Variants in GRIN2B observed in about 807,000 individuals in gnomAD.
GRIN2B encodes the protein glutamate receptor ionotropic, NMDA 2B.
A neutral mutation model predicts 114.5 loss-of-function variants in GRIN2B; 5 were observed. That is an observed-to-expected ratio of 0.04 (90% CI 0.02 to 0.09). The LOEUF (loss-of-function observed/expected upper bound fraction) is 0.09, where lower values mean the gene tolerates loss of function less well. GRIN2B is among the 10% of genes least tolerant of loss of function. The pLI is 1.00. For synonymous variants in GRIN2B, 787 were observed against 745.1 expected (o/e 1.06, Z -0.92); for missense variants, 1,108 against 1,943.5 (o/e 0.57, Z 8.08).
chr12:13,954,585 G>T (rs1382325341), intron 2 of GRIN2B, among the ~76,000 whole-genome samples: 1 of 151,766 alleles, frequency 6.6e-6, no homozygotes, highest in African/African-American at 2.4e-5. Flanking sequence ...CGAGGCGGGT[G>T]GATCACTTGA....
At position 13,541,821 on chromosome 12, in the gene GRIN2B, T is replaced by C. The variant is rs1406772181; in HGVS notation, c.*20962A>G. On this transcript the variant is annotated 3_prime_UTR_variant, in exon 14 of 14. Coordinates refer to ENST00000609686, the MANE Select transcript of GRIN2B (RefSeq NM_000834.5). ...AGAAATGGCCTAACAGTTTCTCTTC[T>C]CAAATTATGATTTTTTCAGGTGGCA... 1 of 152,218 alleles carries C rather than the reference T, an allele frequency of 6.6e-6. No homozygotes were observed. The highest frequency in any genetic ancestry group is 1.5e-5 in the Non-Finnish European group (1 of 68,026). 9.4% of individuals were successfully genotyped at this position (152,218 alleles called of 1,614,324 possible). A position where few individuals can be genotyped will look rare whatever the true frequency, so the allele number is the denominator to read the frequency against.
intron 5 of GRIN2B, among the ~76,000 whole-genome samples, chr12:13,635,260 G>A (rs1290118096): frequency 1.3e-5 from 2 of 152,202 alleles, no homozygotes; most frequent in Non-Finnish European, 2.9e-5. Context: ...CTGAGAAGGG[G>A]AGATGGTGAA....
intron 9 of GRIN2B, 116 bp downstream of exon 9, chr12:13,611,609 G>T (rs1222526543): frequency 2.0e-6 from 2 of 1,017,066 alleles, no homozygotes; most frequent in South Asian, 2.5e-5. Flanking sequence ...TCACCTGAGG[G>T]TTCCTTTTCA....
chr12:13,571,342 T>C (rs540604530), intron 11 of GRIN2B, among the ~76,000 whole-genome samples: 110 of 152,294 alleles, frequency 7.2e-4, no homozygotes, highest in Non-Finnish European at 1.3e-3. Flanking sequence ...GGACAGAGTA[T>C]GTTAACACAA....
At chr12:13,946,356 C>A (rs1371879997) in intron 2 of GRIN2B, among the ~76,000 whole-genome samples, 1 of 151,928 alleles carries the variant, frequency 6.6e-6, no homozygotes, top group Non-Finnish European at 1.5e-5. Context: ...TTATATCTAC[C>A]ACCATCCATT....
At chr12:13,738,673 C>A (rs540157630) in intron 4 of GRIN2B, among the ~76,000 whole-genome samples, 2 of 152,202 alleles carry the variant, frequency 1.3e-5, no homozygotes, top group Non-Finnish European at 2.9e-5. Flanking sequence ...TTCAAGAGCA[C>A]CAAGTTCAAA....
At position 13,899,500 on chromosome 12, in the gene GRIN2B, G is replaced by A. The variant is rs749670218; in HGVS notation, c.-18-33274C>T. On this transcript the variant is annotated intron_variant, in intron 2 of 13. Coordinates refer to ENST00000609686, the MANE Select transcript of GRIN2B (RefSeq NM_000834.5). ...AAAATAGGCAGCAATGTCCAGAGGGGTGTTGTCTCCTCTTGGCCCAGGCAT... is the reference window on the plus strand; with the variant it reads ...AAAATAGGCAGCAATGTCCAGAGGGATGTTGTCTCCTCTTGGCCCAGGCAT... Among the ~76,000 whole-genome samples, 11 of 127,692 alleles carry A rather than the reference G, an allele frequency of 8.6e-5. 2 individuals carry two copies. The highest frequency in any genetic ancestry group is 2.1e-4 in the Non-Finnish European group (11 of 51,844). The allele number at this position is 127,692 out of a possible 152,430, so 83.8% of individuals were successfully genotyped here.
chr12:13,564,616 C>G lies in GRIN2B; in HGVS notation c.2622G>C (p.Gly874=). The G allele has an allele frequency of 6.2e-7, 1 of 1,613,854 alleles. No homozygotes were observed. Among genetic ancestry groups the G allele is most frequent in the Non-Finnish European group, 8.5e-7 (1 of 1,179,976 alleles). The part of the protein sequence containing the change: ...ISRGIYSCIH[G]VAIEERQSVM... Reference sequence around the variant, plus strand: ...CAGACTGGCGCTCCTCGATCGCCACCCCATGGATGCAGCTGTAGATACCCT... The same window carrying G: ...CAGACTGGCGCTCCTCGATCGCCACGCCATGGATGCAGCTGTAGATACCCT... Residue 874 remains glycine, a synonymous_variant, in exon 14 of 14, where the codon GGG becomes GGC. Coordinates refer to ENST00000609686, the MANE Select transcript of GRIN2B (RefSeq NM_000834.5). This position sits in a 1 kb window ranked among gnomAD's most constrained non-coding sequence, Gnocchi z 4.8.
intron 3 of GRIN2B, among the ~76,000 whole-genome samples, chr12:13,808,747 A>AT (rs1565545394): frequency 0.14 from 14,742 of 107,286 alleles, 1,014 homozygotes; most frequent in African/African-American, 0.17. Context: ...GTATAATAAA[A>AT]AAAAAATATA....
intron 2 of GRIN2B, among the ~76,000 whole-genome samples, chr12:13,876,858 T>A (rs994854795): frequency 2.0e-5 from 3 of 152,216 alleles, no homozygotes; most frequent in Admixed American, 2.0e-4. Flanking sequence ...TGTGGCATAA[T>A]GGTAGGTGCA....
At chr12:13,650,473 A>G (rs1949802939) in intron 5 of GRIN2B, among the ~76,000 whole-genome samples, 1 of 152,012 alleles carries the variant, frequency 6.6e-6, no homozygotes, top group South Asian at 2.1e-4. Context: ...ATGATAGAAA[A>G]TCCCCTTTAC....
intron 5 of GRIN2B, among the ~76,000 whole-genome samples, chr12:13,640,110 G>A (rs1949701025): frequency 6.6e-6 from 1 of 152,124 alleles, no homozygotes; most frequent in Admixed American, 6.6e-5. Flanking sequence ...ACAAGACCAG[G>A]CATGGTGGTA....
At chr12:13,877,675 T>C (rs1041944933) in intron 2 of GRIN2B, among the ~76,000 whole-genome samples, 5 of 152,270 alleles carry the variant, frequency 3.3e-5, no homozygotes, top group Admixed American at 2.0e-4. Flanking sequence ...GTGGCTCTAT[T>C]TCCTGATCTC....
intron 3 of GRIN2B, among the ~76,000 whole-genome samples, chr12:13,794,954 G>T (rs977220630): frequency 6.6e-6 from 1 of 152,218 alleles, no homozygotes; most frequent in Non-Finnish European, 1.5e-5. Context: ...CATGAGAGGA[G>T]CTGCCACATG....
At chr12:13,694,712 A>ATAT (rs1346487284) in intron 4 of GRIN2B, among the ~76,000 whole-genome samples, 1 of 115,736 alleles carries the variant, frequency 8.6e-6, no homozygotes, top group Non-Finnish European at 1.8e-5. Flanking sequence ...TAAATTAATT[A>ATAT]ATATTGGTCA....
At chr12:13,793,571 A>G (rs946376958) in intron 3 of GRIN2B, among the ~76,000 whole-genome samples, 3 of 152,140 alleles carry the variant, frequency 2.0e-5, no homozygotes, top group Admixed American at 6.5e-5. Flanking sequence ...GCCAATTGTG[A>G]TTCTGTTTTT....
chr12:13,626,828 C>T (rs1289491054), intron 5 of GRIN2B, among the ~76,000 whole-genome samples: 1 of 122,606 alleles, frequency 8.2e-6, no homozygotes, highest in East Asian at 3.1e-4. Context: ...CCACCCTCCC[C>T]CCTCCCCCCT....
At chr12:13,943,824 A>G (rs1184436846) in intron 2 of GRIN2B, among the ~76,000 whole-genome samples, 1 of 152,066 alleles carries the variant, frequency 6.6e-6, no homozygotes, top group Non-Finnish European at 1.5e-5. Context: ...CACAGTACTC[A>G]TCACTCTCGT....
chr12:13,808,872 C>A (rs914781290), intron 3 of GRIN2B, among the ~76,000 whole-genome samples: 2 of 151,774 alleles, frequency 1.3e-5, no homozygotes, highest in African/African-American at 4.8e-5. Flanking sequence ...AGGAGAAAAC[C>A]AGTCATGACA....
Sources: gnomAD v4.1 joint callset for allele counts (sites outside exome capture counted in the v4.1 genomes callset) on GRCh38, gnomAD v4.1.1 for gene constraint, Gnocchi (gnomAD v3.1) non-coding constraint, MANE v1.5 for transcripts, NCBI Gene and HGNC (gene_info 2026-07-23, HGNC 2026-07-21) for gene names.